CPNE8: variants seen among roughly 807,000 people sequenced by gnomAD.
CPNE8 encodes the protein copine 8, also known as copine-8.
A neutral mutation model predicts 81.5 loss-of-function variants in CPNE8; 45 were observed. The ratio of observed to expected loss-of-function variants is 0.55; its 90% CI spans 0.44 to 0.71. The LOEUF (loss-of-function observed/expected upper bound fraction) is 0.71. CPNE8 is among the 30% of genes least tolerant of loss of function. The probability of loss-of-function intolerance (pLI) is 0.00; values close to 1 mark genes in which losing one functional copy is unlikely to be tolerated. For synonymous variants in CPNE8, 252 were observed against 226.3 expected, an observed-to-expected ratio of 1.11 and a Z score of -1.02; for missense variants, 594 against 672.1, an observed-to-expected ratio of 0.88 and a Z score of 1.28.
rs945415883 is a variant in CPNE8, at chr12:38,799,899, C to G, written c.408-23598G>C. ...CCGAGTCAAAGAAAGGTGTGACTGACGCACCTGGAAAATCGGGTCACTCCC... is the reference window on the plus strand; with the variant it reads ...CCGAGTCAAAGAAAGGTGTGACTGAGGCACCTGGAAAATCGGGTCACTCCC... On this transcript the variant is annotated intron_variant, in intron 6 of 19. Transcript: ENST00000331366. Among the ~76,000 whole-genome samples, 5 of 151,864 alleles carry G rather than the reference C, an allele frequency of 3.3e-5. No homozygotes were observed. In the South Asian group the frequency reaches 6.2e-4, roughly 19 times the overall value.
chr12:38,685,463 T>C, intron 16 of CPNE8, 27 bp downstream of exon 16: 1 of 1,608,448 alleles, frequency 6.2e-7, no homozygotes, highest in Non-Finnish European at 8.5e-7. Context: ...TACATCAGAA[T>C]AAGCACCTTG....
chr12:38,698,952 C>T (rs969855734), intron 14 of CPNE8, among the ~76,000 whole-genome samples: 2 of 152,170 alleles, frequency 1.3e-5, no homozygotes, highest in African/African-American at 4.8e-5. Context: ...ATAAGGATTG[C>T]TTTAAATAAA....
intron 6 of CPNE8, among the ~76,000 whole-genome samples, chr12:38,805,973 A>G (rs1942791470): frequency 1.3e-5 from 2 of 150,188 alleles, no homozygotes; most frequent in African/African-American, 2.4e-5. Context: ...TACTACAAAC[A>G]CCTCTACGCA....
chr12:38,788,883 G>A (rs1389986855), intron 6 of CPNE8, among the ~76,000 whole-genome samples: 1 of 151,396 alleles, frequency 6.6e-6, no homozygotes, highest in African/African-American at 2.4e-5. Context: ...TAAATACCTG[G>A]GAATTAGCCA....
At chr12:38,667,625 A>G (rs1591998122) in intron 19 of CPNE8, among the ~76,000 whole-genome samples, 1 of 152,194 alleles carries the variant, frequency 6.6e-6, no homozygotes, top group African/African-American at 2.4e-5. Flanking sequence ...CTAATTTCCT[A>G]GGGACATTTT....
chr12:38,868,783 T>C (rs1201193774), intron 3 of CPNE8, among the ~76,000 whole-genome samples: 1 of 152,194 alleles, frequency 6.6e-6, no homozygotes, highest in Non-Finnish European at 1.5e-5. Flanking sequence ...CAAATGAAAA[T>C]ATTTTAAGAG....
At chr12:38,899,370 A>C (rs1944428953) in intron 1 of CPNE8, among the ~76,000 whole-genome samples, 2 of 152,144 alleles carry the variant, frequency 1.3e-5, no homozygotes. Flanking sequence ...AGAAGCTGGC[A>C]GCCTGTAACC....
At chr12:38,840,431 T>C (rs1272032011) in intron 4 of CPNE8, among the ~76,000 whole-genome samples, 4 of 152,132 alleles carry the variant, frequency 2.6e-5, no homozygotes, top group South Asian at 2.1e-4. Flanking sequence ...ATTTGTGATA[T>C]TGCAAGATGT....
At chr12:38,775,056 T>A (rs1383545167) in intron 7 of CPNE8, among the ~76,000 whole-genome samples, 1 of 152,162 alleles carries the variant, frequency 6.6e-6, no homozygotes, top group African/African-American at 2.4e-5. Context: ...TATCATATGA[T>A]TCCCTGAGCA....
chr12:38,727,916 C>T (rs1940740824), intron 11 of CPNE8, among the ~76,000 whole-genome samples: 1 of 152,168 alleles, frequency 6.6e-6, no homozygotes, highest in South Asian at 2.1e-4. Context: ...TAAGGCAGGA[C>T]TTTACGTTGT....
At chr12:38,782,489 C>T (rs1942076764) in intron 6 of CPNE8, among the ~76,000 whole-genome samples, 1 of 152,050 alleles carries the variant, frequency 6.6e-6, no homozygotes, top group Non-Finnish European at 1.5e-5. Flanking sequence ...GAAATTCACT[C>T]TCAAGTATTT....
chr12:38,821,542 T>A (rs573968782), intron 6 of CPNE8, among the ~76,000 whole-genome samples: 1 of 152,160 alleles, frequency 6.6e-6, no homozygotes, highest in Non-Finnish European at 1.5e-5. Flanking sequence ...AAGACACATG[T>A]CACACCAAGT....
At chr12:38,841,885 A>G (rs777072967) in intron 4 of CPNE8, among the ~76,000 whole-genome samples, 9 of 152,182 alleles carry the variant, frequency 5.9e-5, no homozygotes, top group Non-Finnish European at 1.2e-4. Flanking sequence ...GAAGGATTAA[A>G]TGCAGAGAAT....
intron 8 of CPNE8, among the ~76,000 whole-genome samples, chr12:38,764,842 A>T (rs1941653619): frequency 6.6e-6 from 1 of 152,100 alleles, no homozygotes. Context: ...TAAATAGATG[A>T]TATCTAGATA....
chr12:38,802,762 A>G (rs1329360780), intron 6 of CPNE8, among the ~76,000 whole-genome samples: 2 of 147,546 alleles, frequency 1.4e-5, no homozygotes, highest in African/African-American at 5.0e-5. Flanking sequence ...ACCGCTAGCA[A>G]GACTAATAAA....
intron 19 of CPNE8, among the ~76,000 whole-genome samples, chr12:38,667,677 G>C (rs970342956): frequency 7.2e-5 from 11 of 152,150 alleles, no homozygotes; most frequent in Non-Finnish European, 1.5e-4. Flanking sequence ...CTACTCTTCA[G>C]TTCAACTTTA....
intron 3 of CPNE8, among the ~76,000 whole-genome samples, chr12:38,862,244 G>T (rs931712258): frequency 6.6e-6 from 1 of 150,738 alleles, no homozygotes; most frequent in Non-Finnish European, 1.5e-5. Context: ...TAGCTTGTTA[G>T]CATTATACAT....
intron 11 of CPNE8, among the ~76,000 whole-genome samples, chr12:38,729,161 A>C (rs956690328): frequency 2.0e-5 from 3 of 152,082 alleles, no homozygotes; most frequent in Non-Finnish European, 4.4e-5. Context: ...ACTAGTGTGC[A>C]TGTGTGGTTC....
chr12:38,755,598 G>GA (rs980355029), intron 10 of CPNE8, among the ~76,000 whole-genome samples: 95 of 150,282 alleles, frequency 6.3e-4, no homozygotes, highest in African/African-American at 1.4e-3. Flanking sequence ...CTCAAAAAAA[G>GA]AAAAAAAAAG....
Sources: allele counts gnomAD v4.1 joint callset (sites outside exome capture counted in the v4.1 genomes callset), GRCh38; gene constraint gnomAD v4.1.1; transcripts MANE v1.5; gene names NCBI Gene and HGNC (gene_info 2026-07-23, HGNC 2026-07-21).